The following KHDRBS3 variants were observed in gnomAD, a reference collection of about 807,000 sequenced individuals.
KHDRBS3 encodes the protein KH RNA binding domain containing, signal transduction associated 3.
KHDRBS3 carries 23 observed loss-of-function variants against 45.6 expected under a neutral mutation model. The observed-to-expected ratio is 0.50, with a 90% CI of 0.36 to 0.72. The LOEUF (loss-of-function observed/expected upper bound fraction) is 0.72. KHDRBS3 is among the 30% of genes least tolerant of loss of function. The pLI, the probability that KHDRBS3 is intolerant of heterozygous loss-of-function variation, is 0.00. For synonymous variants in KHDRBS3, 162 were observed against 156.5 expected, an observed-to-expected ratio of 1.04 and a Z score of -0.26; for missense variants, 352 against 424.8, an observed-to-expected ratio of 0.83 and a Z score of 1.51.
intron 3 of KHDRBS3, 55 bp downstream of exon 3, chr8:135,542,825 CTTATA>C: frequency 8.7e-7 from 1 of 1,145,580 alleles, no homozygotes; most frequent in Non-Finnish European, 1.3e-6. Context: ...ATTATGTGCT[CTTATA>C]TTATCCACTG....
Position 135,538,088 on chromosome 8 carries a change from A to G in KHDRBS3, c.208-4566A>G, listed in dbSNP as rs144967156. Among the ~76,000 whole-genome samples the G allele has an allele frequency of 9.2e-5, 14 of 152,188 alleles. No homozygotes were observed. In the East Asian group the frequency reaches 2.5e-3, roughly 27 times the overall value. On this transcript the variant is annotated intron_variant, in intron 2 of 8. Coordinates refer to ENST00000355849, the MANE Select transcript of KHDRBS3 (RefSeq NM_006558.3). The stretch of plus-strand genomic sequence containing the variant: ...GGCAGAAAAAGGCTTTCCTTTCATG[A>G]GTGAAGTGATTGAGGCCAGAACGGT...
chr8:135,586,157 T>A (rs1032322135), intron 6 of KHDRBS3, among the ~76,000 whole-genome samples: 1 of 152,156 alleles, frequency 6.6e-6, no homozygotes, highest in Non-Finnish European at 1.5e-5. Flanking sequence ...TATGTCACGT[T>A]TTCCTTATAA....
chr8:135,514,787 C>T (rs1644746931), intron 1 of KHDRBS3, among the ~76,000 whole-genome samples: 2 of 152,068 alleles, frequency 1.3e-5, no homozygotes, highest in African/African-American at 4.8e-5. Flanking sequence ...AGCTCTCTAA[C>T]CTTTGCAAAC....
At chr8:135,611,843 G>A (rs979395105) in intron 7 of KHDRBS3, among the ~76,000 whole-genome samples, 2 of 151,662 alleles carry the variant, frequency 1.3e-5, no homozygotes, top group African/African-American at 2.4e-5. Flanking sequence ...CTCTAACACC[G>A]GTTTAAGCAC....
At chr8:135,468,159 AT>A (rs1242626982) in intron 1 of KHDRBS3, among the ~76,000 whole-genome samples, 1 of 152,124 alleles carries the variant, frequency 6.6e-6, no homozygotes, top group African/African-American at 2.4e-5. Context: ...ATTGTTTAAG[AT>A]TTGGCCATTG....
At chr8:135,639,902 T>C (rs985529908) in intron 7 of KHDRBS3, among the ~76,000 whole-genome samples, 1 of 152,166 alleles carries the variant, frequency 6.6e-6, no homozygotes, top group African/African-American at 2.4e-5. Context: ...ACACGGGGGA[T>C]TGCATTTCCA....
intron 1 of KHDRBS3, among the ~76,000 whole-genome samples, chr8:135,469,868 G>A (rs146641161): frequency 1.2e-3 from 180 of 152,310 alleles, no homozygotes; most frequent in African/African-American, 3.7e-3. Context: ...CCATCAAGGT[G>A]ATGTCTGACA....
intron 1 of KHDRBS3, among the ~76,000 whole-genome samples, chr8:135,464,627 A>G (rs1431311158): frequency 6.6e-6 from 1 of 152,254 alleles, no homozygotes; most frequent in African/African-American, 2.4e-5. Context: ...AGGGGGGAAT[A>G]TGTTTAAATA....
chr8:135,576,176 T>A (rs2130904587), intron 5 of KHDRBS3, among the ~76,000 whole-genome samples: 1 of 152,346 alleles, frequency 6.6e-6, no homozygotes, highest in South Asian at 2.1e-4. Context: ...TCCACATGAC[T>A]TATGCTCATG....
intron 7 of KHDRBS3, among the ~76,000 whole-genome samples, chr8:135,610,184 G>A (rs575455746): frequency 3.3e-5 from 5 of 152,022 alleles, no homozygotes; most frequent in South Asian, 4.1e-4. Context: ...GTGACTGCAG[G>A]TAAACTGATA....
At chr8:135,527,159 C>A (rs1825233627) in intron 2 of KHDRBS3, among the ~76,000 whole-genome samples, 1 of 152,226 alleles carries the variant, frequency 6.6e-6, no homozygotes, top group East Asian at 1.9e-4. Flanking sequence ...CTTCTCTGAG[C>A]CAGACATTGT....
downstream of KHDRBS3, among the ~76,000 whole-genome samples, chr8:135,650,514 A>G (rs114963183): frequency 4.4e-3 from 669 of 152,348 alleles, 6 homozygotes; most frequent in African/African-American, 0.015. Flanking sequence ...AGAAGGTATC[A>G]TCTACATTTT....
At chr8:135,479,894 A>T (rs868172577) in intron 1 of KHDRBS3, among the ~76,000 whole-genome samples, 1 of 152,202 alleles carries the variant, frequency 6.6e-6, no homozygotes, top group African/African-American at 2.4e-5. Flanking sequence ...ATGAATTTAG[A>T]TGAAATCATC....
intron 1 of KHDRBS3, among the ~76,000 whole-genome samples, chr8:135,518,312 A>G (rs941298200): frequency 3.3e-5 from 5 of 151,992 alleles, no homozygotes; most frequent in African/African-American, 1.2e-4. Context: ...TAGCTGGACT[A>G]CAGGCGCCTG....
chr8:135,542,422 T>C (rs1826089035), intron 2 of KHDRBS3: 1 of 442,542 alleles, frequency 2.3e-6, no homozygotes, highest in South Asian at 3.5e-5. Context: ...AGTTGTGGAA[T>C]ATAGCCATCA....
At chr8:135,601,252 G>A (rs900510591) in intron 6 of KHDRBS3, among the ~76,000 whole-genome samples, 5 of 152,188 alleles carry the variant, frequency 3.3e-5, no homozygotes, top group Admixed American at 1.3e-4. Flanking sequence ...TGTGCCTGGT[G>A]TGATAGTGTG....
intron 1 of KHDRBS3, among the ~76,000 whole-genome samples, chr8:135,490,612 A>G (rs1332004600): frequency 2.0e-5 from 3 of 152,244 alleles, no homozygotes; most frequent in African/African-American, 4.8e-5. Context: ...ATAGTAATAA[A>G]TGAAAATAAT....
intron 1 of KHDRBS3, among the ~76,000 whole-genome samples, chr8:135,490,214 C>T (rs1026679551): frequency 3.9e-5 from 6 of 152,148 alleles, no homozygotes; most frequent in African/African-American, 1.4e-4. Context: ...GACAGATCCC[C>T]ATCATGAAGT....
intron 7 of KHDRBS3, among the ~76,000 whole-genome samples, chr8:135,619,959 C>T (rs975497628): frequency 6.6e-6 from 1 of 152,108 alleles, no homozygotes; most frequent in African/African-American, 2.4e-5. Flanking sequence ...GTTTCTAATC[C>T]CACCAAATAT....
Sources: allele counts gnomAD v4.1 joint callset (sites outside exome capture counted in the v4.1 genomes callset), GRCh38; gene constraint gnomAD v4.1.1; transcripts MANE v1.5; gene names NCBI Gene and HGNC (gene_info 2026-07-23, HGNC 2026-07-21).